EDIL3: variants seen among roughly 807,000 people sequenced by gnomAD.
EDIL3 encodes the protein EGF-like repeat and discoidin I-like domain-containing protein 3.
A neutral mutation model predicts 67.4 loss-of-function variants in EDIL3; 37 were observed. The observed-to-expected ratio is 0.55, with a 90% CI of 0.42 to 0.72. The LOEUF is 0.72. Among genes scored for constraint, EDIL3 ranks in the 30% least tolerant of loss-of-function variants. The probability of loss-of-function intolerance (pLI) is 0.00; values close to 1 mark genes in which losing one functional copy is unlikely to be tolerated. For missense variants in EDIL3, 527 were observed against 586.3 expected, an observed-to-expected ratio of 0.90 and a Z score of 1.04; for synonymous variants, 195 against 196.3, an observed-to-expected ratio of 0.99 and a Z score of 0.05.
At chr5:83,975,765 G>A (rs1357967779) in intron 9 of EDIL3, among the ~76,000 whole-genome samples, 1 of 151,812 alleles carries the variant, frequency 6.6e-6, no homozygotes, top group Non-Finnish European at 1.5e-5. Flanking sequence ...GAGGAATCTT[G>A]TAAAAATTAT....
chr5:83,994,677 CT>C (rs1305759732), intron 9 of EDIL3, among the ~76,000 whole-genome samples: 1 of 152,128 alleles, frequency 6.6e-6, no homozygotes, highest in East Asian at 1.9e-4. Context: ...TTGCTTAGTT[CT>C]TTCCAAATTA....
chr5:84,104,534 T>TTAA (rs1001643243), intron 6 of EDIL3, among the ~76,000 whole-genome samples: 12 of 152,164 alleles, frequency 7.9e-5, no homozygotes, highest in Admixed American at 7.9e-4. Context: ...TTTTCACCCA[T>TTAA]TATATTTGAG....
At chr5:83,989,331 C>T (rs368236399) in intron 9 of EDIL3, among the ~76,000 whole-genome samples, 13 of 152,276 alleles carry the variant, frequency 8.5e-5, no homozygotes, top group African/African-American at 2.2e-4. Flanking sequence ...CCCCCATGAG[C>T]TAAGGCTACT....
At position 83,997,897 on chromosome 5, in the gene EDIL3, A is replaced by C. The variant is rs190456770; in HGVS notation, c.1138-34537T>G. ...CTGCCCTGTCACAGTGGAATGCAAC[A>C]CCAGGCAGAACTCAGCCTGCGCCCA... On this transcript the variant is annotated intron_variant, in intron 9 of 10. Coordinates refer to ENST00000296591, the MANE Select transcript of EDIL3 (RefSeq NM_005711.5). Among the ~76,000 whole-genome samples the C allele has an allele frequency of 3.6e-3, 549 of 152,242 alleles. 3 individuals are homozygous for C. The highest frequency in any genetic ancestry group is 0.01 in the Middle Eastern group (3 of 294).
At chr5:84,346,135 CTTTTTT>C (rs912729041) in intron 1 of EDIL3, among the ~76,000 whole-genome samples, 9 of 122,898 alleles carry the variant, frequency 7.3e-5, no homozygotes, top group Non-Finnish European at 1.5e-4. Flanking sequence ...CTTTTTTTTT[CTTTTTT>C]TTTTTTTTTT....
At chr5:84,221,321 C>G (rs1744336745) in intron 3 of EDIL3, among the ~76,000 whole-genome samples, 1 of 152,020 alleles carries the variant, frequency 6.6e-6, no homozygotes, top group Admixed American at 6.6e-5. Context: ...ATATGTATGT[C>G]AAGATGTAAA....
At chr5:84,153,875 C>T (rs1161855044) in intron 4 of EDIL3, among the ~76,000 whole-genome samples, 2 of 152,114 alleles carry the variant, frequency 1.3e-5, no homozygotes, top group Admixed American at 1.3e-4. Context: ...ATCACAAAAC[C>T]TCCATGGCAT....
At chr5:84,316,734 T>G (rs1323431338) in intron 1 of EDIL3, among the ~76,000 whole-genome samples, 2 of 152,150 alleles carry the variant, frequency 1.3e-5, no homozygotes, top group Non-Finnish European at 2.9e-5. Context: ...ATCCAGGGCT[T>G]GAACTCAGCT....
intron 5 of EDIL3, among the ~76,000 whole-genome samples, chr5:84,135,078 A>C (rs1748063486): frequency 1.3e-5 from 2 of 152,070 alleles, no homozygotes; most frequent in Admixed American, 6.5e-5. Context: ...CTTCATCCCC[A>C]GCCTATCCAC....
intron 1 of EDIL3, among the ~76,000 whole-genome samples, chr5:84,312,049 T>C (rs1224997411): frequency 1.3e-5 from 2 of 152,180 alleles, no homozygotes; most frequent in Admixed American, 1.3e-4. Context: ...ATTGTCATCA[T>C]GGCCCGTTCT....
chr5:84,001,352 G>A (rs941279774), intron 9 of EDIL3, among the ~76,000 whole-genome samples: 4 of 151,954 alleles, frequency 2.6e-5, no homozygotes, highest in Non-Finnish European at 4.4e-5. Context: ...GTGAGCCACC[G>A]CACCTGGCCA....
intron 9 of EDIL3, among the ~76,000 whole-genome samples, chr5:84,001,716 G>A (rs915413927): frequency 3.9e-5 from 6 of 152,086 alleles, no homozygotes; most frequent in Admixed American, 3.3e-4. Flanking sequence ...ACATAGTAAT[G>A]CTTAAAATTG....
intron 1 of EDIL3, among the ~76,000 whole-genome samples, chr5:84,257,921 A>G (rs992127043): frequency 3.9e-5 from 6 of 152,172 alleles, no homozygotes; most frequent in African/African-American, 1.4e-4. Flanking sequence ...TTCATAAAAG[A>G]AAGAAGTTAA....
chr5:83,957,932 G>A (rs1364347524), intron 10 of EDIL3, among the ~76,000 whole-genome samples: 3 of 151,460 alleles, frequency 2.0e-5, no homozygotes, highest in African/African-American at 7.3e-5. Context: ...CCTTCTAGAT[G>A]ATCCCCCCAT....
chr5:84,182,389 G>C (rs778225871), intron 3 of EDIL3, among the ~76,000 whole-genome samples: 3 of 151,964 alleles, frequency 2.0e-5, no homozygotes, highest in Non-Finnish European at 2.9e-5. Context: ...CTAGGAGGTT[G>C]AGGCTGCAGT....
intron 3 of EDIL3, among the ~76,000 whole-genome samples, chr5:84,212,849 T>A (rs342421): frequency 2.1e-4 from 32 of 151,880 alleles, no homozygotes; most frequent in African/African-American, 3.9e-4. Context: ...GGAAAGAATG[T>A]CTTACGGGAC....
chr5:84,356,885 C>CTTTTTTTTTTT (rs1229298711), intron 1 of EDIL3, among the ~76,000 whole-genome samples: 3 of 39,358 alleles, frequency 7.6e-5, no homozygotes, highest in African/African-American at 2.6e-4. Context: ...AACAATCTTT[C>CTTTTTTTTTTT]TTTCTTTTTT....
intron 6 of EDIL3, among the ~76,000 whole-genome samples, chr5:84,076,107 CAAAA>C (rs1327846687): frequency 6.6e-6 from 1 of 151,484 alleles, no homozygotes; most frequent in African/African-American, 2.4e-5. Context: ...CAAAAACAAA[CAAAA>C]ATTTACTAAG....
At chr5:84,090,985 T>C (rs964700793) in intron 6 of EDIL3, among the ~76,000 whole-genome samples, 1 of 151,782 alleles carries the variant, frequency 6.6e-6, no homozygotes, top group Non-Finnish European at 1.5e-5. Flanking sequence ...AAATTAAAAT[T>C]TTATGGGATA....
Sources: gnomAD v4.1 joint callset for allele counts (sites outside exome capture counted in the v4.1 genomes callset) on GRCh38, gnomAD v4.1.1 for gene constraint, MANE v1.5 for transcripts, NCBI Gene and HGNC (gene_info 2026-07-23, HGNC 2026-07-21) for gene names.